Variants in TENM3 observed in about 807,000 individuals in gnomAD.
The protein encoded by TENM3 is teneurin transmembrane protein 3, also known as teneurin-3.
A neutral mutation model predicts 255.1 loss-of-function variants in TENM3; 63 were observed. The observed-to-expected ratio is 0.25, with a 90% CI of 0.20 to 0.30. TENM3 has a LOEUF of 0.30. Among genes scored for constraint, TENM3 ranks in the 10% least tolerant of loss-of-function variants. TENM3 has a pLI of 1.00. For synonymous variants in TENM3, 1,306 were observed against 1,322.3 expected (o/e 0.99, Z 0.27); for missense variants, 2,929 against 3,461.1 (o/e 0.85, Z 3.86).
chr4:181,489,502 C>G, the TENM3 span, among the ~76,000 whole-genome samples: 1 of 152,126 alleles, frequency 6.6e-6, no homozygotes, highest in Non-Finnish European at 1.5e-5. Flanking sequence ...TAGCCATATT[C>G]CTAGTTCAGG....
At chr4:181,474,497 G>T in the TENM3 span, among the ~76,000 whole-genome samples, 1 of 152,008 alleles carries the variant, frequency 6.6e-6, no homozygotes, top group Non-Finnish European at 1.5e-5. Flanking sequence ...AGCACTTTGG[G>T]AGGCTAGGCA....
chr4:181,756,756 C>T, the TENM3 span, among the ~76,000 whole-genome samples: 1 of 152,218 alleles, frequency 6.6e-6, no homozygotes, highest in Non-Finnish European at 1.5e-5. Context: ...AAAATGTCTT[C>T]ACAAGTAAAC....
chr4:181,542,509 G>T, the TENM3 span, among the ~76,000 whole-genome samples: 3 of 152,194 alleles, frequency 2.0e-5, no homozygotes, highest in African/African-American at 4.8e-5. Flanking sequence ...TAATATTGCA[G>T]TTGCTCTGAA....
the TENM3 span, among the ~76,000 whole-genome samples, chr4:181,623,607 T>G: frequency 6.6e-6 from 1 of 152,224 alleles, no homozygotes; most frequent in Non-Finnish European, 1.5e-5. Context: ...AAATCATTCT[T>G]AAAAATCTGT....
chr4:182,223,621 A>T (rs1755970856), intron 1 of TENM3, among the ~76,000 whole-genome samples: 1 of 152,130 alleles, frequency 6.6e-6, no homozygotes, highest in African/African-American at 2.4e-5. Context: ...TATCTCCTTT[A>T]TATAAATGAG....
intron 1 of TENM3, among the ~76,000 whole-genome samples, chr4:182,321,849 GC>G (rs1390028468): frequency 3.3e-5 from 5 of 151,676 alleles, no homozygotes; most frequent in African/African-American, 1.2e-4. Context: ...GGAGGCTGAG[GC>G]AGGAGAATCA....
At chr4:181,574,835 C>T in the TENM3 span, among the ~76,000 whole-genome samples, 1 of 151,832 alleles carries the variant, frequency 6.6e-6, no homozygotes, top group Non-Finnish European at 1.5e-5. Flanking sequence ...AAAGAAGGTA[C>T]ATCATGGGAC....
chr4:181,910,912 A>G, the TENM3 span, among the ~76,000 whole-genome samples: 862 of 152,158 alleles, frequency 5.7e-3, 8 homozygotes, highest in African/African-American at 0.02. Context: ...CTCCCTTTTC[A>G]TAGTTTCATT....
At chr4:182,008,006 T>C in the TENM3 span, among the ~76,000 whole-genome samples, 1 of 152,208 alleles carries the variant, frequency 6.6e-6, no homozygotes, top group African/African-American at 2.4e-5. Flanking sequence ...GGATATGAAA[T>C]TCTGGGTTAA....
At chr4:182,031,398 G>T in the TENM3 span, among the ~76,000 whole-genome samples, 2 of 152,210 alleles carry the variant, frequency 1.3e-5, no homozygotes, top group East Asian at 3.9e-4. Flanking sequence ...TCTCTTTTCT[G>T]TTCCTTTGGT....
chr4:181,539,363 T>C, the TENM3 span, among the ~76,000 whole-genome samples: 1 of 152,238 alleles, frequency 6.6e-6, no homozygotes, highest in African/African-American at 2.4e-5. Flanking sequence ...ATTGCCAATA[T>C]TATTTAAAGC....
intron 19 of TENM3, among the ~76,000 whole-genome samples, chr4:182,744,448 G>A (rs937754513): frequency 1.3e-5 from 2 of 152,048 alleles, no homozygotes; most frequent in Non-Finnish European, 2.9e-5. Flanking sequence ...TTATTTCCAA[G>A]CATTAGTTAC....
chr4:182,360,129 C>T (rs1765856270), intron 3 of TENM3, among the ~76,000 whole-genome samples: 1 of 146,514 alleles, frequency 6.8e-6, no homozygotes, highest in African/African-American at 2.5e-5. Flanking sequence ...CTGAGGAGAG[C>T]TTTACTTCCA....
chr4:181,717,685 C>A, the TENM3 span, among the ~76,000 whole-genome samples: 2 of 152,084 alleles, frequency 1.3e-5, no homozygotes, highest in Non-Finnish European at 2.9e-5. Flanking sequence ...TTCTTCTGGC[C>A]CCTTTTATTG....
the TENM3 span, among the ~76,000 whole-genome samples, chr4:181,649,215 GT>G: frequency 6.6e-6 from 1 of 152,152 alleles, no homozygotes; most frequent in Non-Finnish European, 1.5e-5. Context: ...CATGAAAATA[GT>G]TTTCATTGGC....
At chr4:181,605,548 AAGAAAGAAAGAAAGAAAGAAAGAG>A in the TENM3 span, among the ~76,000 whole-genome samples, 2 of 31,956 alleles carry the variant, frequency 6.3e-5, no homozygotes, top group African/African-American at 1.5e-4. Context: ...GAAAGAAAGA[AAGAAAGAAAGAAAGAAAGAAAGAG>A]AGAGAAAGAA....
At chr4:181,785,711 C>T in the TENM3 span, among the ~76,000 whole-genome samples, 1 of 152,080 alleles carries the variant, frequency 6.6e-6, no homozygotes, top group East Asian at 1.9e-4. Context: ...CCCCCAACCC[C>T]CGCCACTGAA....
At chr4:182,569,893 CTG>C (rs1453306383) in intron 3 of TENM3, among the ~76,000 whole-genome samples, 1 of 152,160 alleles carries the variant, frequency 6.6e-6, no homozygotes, top group African/African-American at 2.4e-5. Flanking sequence ...GAGGTTTGAA[CTG>C]TGCCTTGAAG....
the TENM3 span, among the ~76,000 whole-genome samples, chr4:181,878,238 G>A: frequency 6.6e-6 from 1 of 151,800 alleles, no homozygotes; most frequent in African/African-American, 2.4e-5. Context: ...CATTATATTC[G>A]GGTGAATGGA....
Sources: allele counts gnomAD v4.1 joint callset (sites outside exome capture counted in the v4.1 genomes callset), GRCh38; gene constraint gnomAD v4.1.1; transcripts MANE v1.5; gene names NCBI Gene and HGNC (gene_info 2026-07-23, HGNC 2026-07-21).